Variants in FAR2 observed in about 807,000 individuals in gnomAD.
The protein encoded by FAR2 is epididymis secretory protein Li 81.
A neutral mutation model predicts 56.0 loss-of-function variants in FAR2; 19 were observed. The observed-to-expected ratio is 0.34, with a 90% CI of 0.24 to 0.50. FAR2 has a LOEUF of 0.50. FAR2 is among the 20% of genes least tolerant of loss of function. The pLI is 0.98. For missense variants in FAR2, 508 were observed against 642.2 expected, an observed-to-expected ratio of 0.79 and a Z score of 2.26; for synonymous variants, 219 against 218.8, an observed-to-expected ratio of 1.00 and a Z score of -0.01.
At chr12:29,249,761 G>C in intron 1 of FAR2, among the ~76,000 whole-genome samples, 1 of 151,922 alleles carries the variant, frequency 6.6e-6, no homozygotes, top group East Asian at 1.9e-4. Context: ...TAGTTTTAAG[G>C]GTAAAAAACT....
chr12:29,226,980 A>G lies in FAR2; in HGVS notation c.-38-43432A>G, dbSNP rs775398521. The stretch of plus-strand genomic sequence containing the variant: ...ATGAGAAGGAAGAAGGTGGAATATC[A>G]TACTTTTAGAAGACTTGCTTTACTT... On this transcript the variant is annotated intron_variant, in intron 1 of 11. Coordinates refer to ENST00000536681, the MANE Select transcript of FAR2 (RefSeq NM_001271783.2). 9.2e-5 allele frequency among the ~76,000 whole-genome samples: 14 copies of G among 152,336 alleles called. No homozygotes were observed. The South Asian group carries it at 1.0e-3, about 11-fold the overall frequency.
rs1949758091 is a variant in FAR2, at chr12:29,159,225, A to G, written c.-39+9818A>G. Reference sequence around the variant, plus strand: ...CAATGACTTGACTTCCCATAGCACCAAGCACTTAACACCAATAAGAGTAAG... The same window carrying G: ...CAATGACTTGACTTCCCATAGCACCGAGCACTTAACACCAATAAGAGTAAG... On this transcript the variant is annotated intron_variant, in intron 1 of 11. Coordinates refer to ENST00000536681, the MANE Select transcript of FAR2 (RefSeq NM_001271783.2). Among the ~76,000 whole-genome samples, 3 of 152,076 alleles carry G rather than the reference A, an allele frequency of 2.0e-5. No individual in the cohort carries two copies. The South Asian group carries it at 6.2e-4, about 31-fold the overall frequency.
chr12:29,296,705 A>G (rs1258129576), intron 3 of FAR2, among the ~76,000 whole-genome samples: 1 of 152,134 alleles, frequency 6.6e-6, no homozygotes. Flanking sequence ...GTGTTCTTTT[A>G]ATGGCTGCCT....
At chr12:29,164,592 C>T (rs975338857) in intron 1 of FAR2, among the ~76,000 whole-genome samples, 4 of 151,862 alleles carry the variant, frequency 2.6e-5, no homozygotes, top group East Asian at 1.9e-4. Context: ...CCTGCAGAGA[C>T]GGGAAAAGGA....
At chr12:29,219,787 G>A (rs1947664672) in intron 1 of FAR2, among the ~76,000 whole-genome samples, 2 of 152,160 alleles carry the variant, frequency 1.3e-5, no homozygotes, top group Non-Finnish European at 2.9e-5. Context: ...AAGGAGGAAA[G>A]TGATATCATC....
intron 1 of FAR2, among the ~76,000 whole-genome samples, chr12:29,262,356 C>T (rs569914875): frequency 4.6e-5 from 7 of 152,098 alleles, no homozygotes; most frequent in Admixed American, 2.0e-4. Flanking sequence ...TAAGGCTTGG[C>T]GTGGTGGCTC....
chr12:29,230,556 T>C (rs1025681977), intron 1 of FAR2, among the ~76,000 whole-genome samples: 2 of 151,952 alleles, frequency 1.3e-5, no homozygotes, highest in Admixed American at 6.6e-5. Context: ...GTCTGACATA[T>C]GAAAAATAGA....
At chr12:29,318,844 A>G (rs1010169420) in intron 9 of FAR2, among the ~76,000 whole-genome samples, 1 of 152,010 alleles carries the variant, frequency 6.6e-6, no homozygotes, top group African/African-American at 2.4e-5. Flanking sequence ...CTGTGTCAGG[A>G]GAGGATGCTG....
Position 29,321,654 on chromosome 12 carries a change from G to GA in FAR2, c.1128-135dup, listed in dbSNP as rs531096103. 1.2e-4 allele frequency: 119 copies of GA among 976,464 alleles called. No individual in the cohort carries two copies. In the African/African-American group the frequency reaches 1.8e-3, roughly 15 times the overall value. The allele number at this position is 976,464 out of a possible 1,614,324, so 60.5% of individuals were successfully genotyped here. On this transcript the variant is annotated intron_variant, in intron 9 of 11. Coordinates refer to ENST00000536681, the MANE Select transcript of FAR2 (RefSeq NM_001271783.2). ...TGAATAGAGAGTTAATGTGGAAGGA[G>GA]AAAAAAGAAGAAGAATTTTAATGAG... is the stretch of plus-strand genomic sequence containing the variant.
In FAR2 at chr12:29,297,171, G is replaced by A. The variant is rs1332154056; in HGVS notation, c.516G>A (p.Val172=). The change falls in exon 4 of 12, where the codon GTG becomes GTA. Residue 172 remains valine (V), a synonymous_variant. Transcript: ENST00000536681. ...HIDEVIYPCP[V]EPKKIIDSLE... Reference sequence around the variant, plus strand: ...ATGAAGTTATCTATCCGTGCCCTGTGGAGCCAAAAAAAATCATTGATTCCC... The same window carrying A: ...ATGAAGTTATCTATCCGTGCCCTGTAGAGCCAAAAAAAATCATTGATTCCC... 1 of 1,609,936 alleles carries A rather than the reference G, an allele frequency of 6.2e-7. No individual in the cohort carries two copies. The highest frequency in any genetic ancestry group is 1.3e-5 in the African/African-American group (1 of 74,524).
intron 2 of FAR2, among the ~76,000 whole-genome samples, chr12:29,289,301 A>G (rs760646022): frequency 1.3e-5 from 2 of 152,206 alleles, no homozygotes; most frequent in Non-Finnish European, 2.9e-5. Flanking sequence ...TTATACTACA[A>G]AGCTATGGTA....
chr12:29,291,551 A>G (rs1311560035), intron 2 of FAR2: 3 of 434,138 alleles, frequency 6.9e-6, no homozygotes, highest in African/African-American at 2.0e-5. Flanking sequence ...CTTAAAATCA[A>G]TTGGGGGACT....
At chr12:29,254,717 C>T (rs565216007) in intron 1 of FAR2, among the ~76,000 whole-genome samples, 4 of 152,022 alleles carry the variant, frequency 2.6e-5, no homozygotes, top group African/African-American at 7.2e-5. Context: ...TTTGGGAGGC[C>T]GAGGCAGGCA....
At chr12:29,162,097 T>C (rs1949786584) in intron 1 of FAR2, among the ~76,000 whole-genome samples, 1 of 152,228 alleles carries the variant, frequency 6.6e-6, no homozygotes, top group African/African-American at 2.4e-5. Flanking sequence ...TTTTTATCTT[T>C]TAATGAACAC....
chr12:29,296,636 C>G lies in FAR2; in HGVS notation c.366-385C>G, dbSNP rs1426757541. Among the ~76,000 whole-genome samples, 3 of 152,152 alleles carry G rather than the reference C, an allele frequency of 2.0e-5. No individual in the cohort carries two copies. In the East Asian group the frequency reaches 5.8e-4, roughly 29 times the overall value. On this transcript the variant is annotated intron_variant, in intron 3 of 11. Transcript: ENST00000536681. ...CTCCTTTAAAAAATGTACTGTTGCT[C>G]CCCTCCAGTTTATTTACATTTTCCA...
chr12:29,288,852 T>C (rs1948914390), intron 2 of FAR2, among the ~76,000 whole-genome samples: 1 of 152,158 alleles, frequency 6.6e-6, no homozygotes, highest in African/African-American at 2.4e-5. Flanking sequence ...AATTTGAGTC[T>C]TTTCAATGAA....
At chr12:29,245,003 A>G (rs1490141092) in intron 1 of FAR2, among the ~76,000 whole-genome samples, 88 of 148,180 alleles carry the variant, frequency 5.9e-4, no homozygotes, top group Non-Finnish European at 1.8e-4. Flanking sequence ...TTTTTTTGAG[A>G]TGGAGTCTCA....
chr12:29,248,058 C>T (rs908748472), intron 1 of FAR2, among the ~76,000 whole-genome samples: 4 of 152,132 alleles, frequency 2.6e-5, no homozygotes, highest in African/African-American at 7.2e-5. Context: ...ACATCTGTGA[C>T]CTTTGATGTT....
chr12:29,316,324 C>CT (rs778708949), intron 8 of FAR2, among the ~76,000 whole-genome samples: 4 of 152,168 alleles, frequency 2.6e-5, no homozygotes, highest in Non-Finnish European at 4.4e-5. Flanking sequence ...ACAATTGAGT[C>CT]TAACATATTC....
Sources: gnomAD v4.1 joint callset for allele counts (sites outside exome capture counted in the v4.1 genomes callset) on GRCh38, gnomAD v4.1.1 for gene constraint, MANE v1.5 for transcripts, NCBI Gene and HGNC (gene_info 2026-07-23, HGNC 2026-07-21) for gene names.